Variants in CCNY observed in about 807,000 individuals in gnomAD.
CCNY encodes the protein cyclin-Y.
A neutral mutation model predicts 42.8 loss-of-function variants in CCNY; 19 were observed. That is an observed-to-expected ratio of 0.44 (90% CI 0.31 to 0.65). The LOEUF (loss-of-function observed/expected upper bound fraction) is 0.65, where lower values mean the gene tolerates loss of function less well. Among genes scored for constraint, CCNY ranks in the 30% least tolerant of loss-of-function variants. CCNY has a pLI of 0.07. For missense variants in CCNY, 370 were observed against 437.3 expected, an observed-to-expected ratio of 0.85 and a Z score of 1.37; for synonymous variants, 165 against 162.7, an observed-to-expected ratio of 1.01 and a Z score of -0.11.
intron 3 of CCNY, among the ~76,000 whole-genome samples, chr10:35,254,830 C>CAA (rs748535872): frequency 6.9e-4 from 26 of 37,802 alleles, no homozygotes; most frequent in Non-Finnish European, 8.8e-4. Flanking sequence ...GACCCTGTCT[C>CAA]AAAAAAAAAA....
chr10:35,437,343 A>G (rs1359070284), intron 1 of CCNY, among the ~76,000 whole-genome samples: 2 of 152,320 alleles, frequency 1.3e-5, no homozygotes, highest in East Asian at 3.9e-4. Flanking sequence ...TGGCCTTAGG[A>G]TCAACATTCA....
At chr10:35,353,866 A>G (rs1389521332) in intron 1 of CCNY, among the ~76,000 whole-genome samples, 1 of 152,260 alleles carries the variant, frequency 6.6e-6, no homozygotes, top group African/African-American at 2.4e-5. Context: ...TTAAAATAAC[A>G]ACATTTGTTG....
rs142955158 is a variant in CCNY at position 35,553,150 on chromosome 10, C to T, written c.711C>T (p.Tyr237=). Residue 237 remains tyrosine (Y), a synonymous_variant, in exon 8 of 10, where the codon TAC becomes TAT. Coordinates refer to ENST00000374704, the MANE Select transcript of CCNY (RefSeq NM_145012.6). ...WDDQAVWNVD[Y]CQILKDITVE... ...ACCAGGCTGTATGGAATGTGGATTA[C>T]TGCCAGATCCTGAAAGACATCACGG... 9 of 1,614,088 alleles carry T rather than the reference C, an allele frequency of 5.6e-6. No homozygotes were observed. The East Asian group carries it at 1.1e-4, about 20-fold the overall frequency.
At chr10:35,348,472 A>G (rs937761347) in intron 1 of CCNY, among the ~76,000 whole-genome samples, 3 of 152,240 alleles carry the variant, frequency 2.0e-5, no homozygotes, top group African/African-American at 7.2e-5. Context: ...CTCTGCAGGC[A>G]CACTTGGCTG....
At chr10:35,412,888 A>AG (rs1655923754) in intron 1 of CCNY, among the ~76,000 whole-genome samples, 1 of 140,814 alleles carries the variant, frequency 7.1e-6, no homozygotes, top group Non-Finnish European at 1.5e-5. Flanking sequence ...AAAAAAAAAA[A>AG]GAATTTGCGC....
At chr10:35,537,362 A>G (rs1323993646) in intron 7 of CCNY, among the ~76,000 whole-genome samples, 1 of 152,210 alleles carries the variant, frequency 6.6e-6, no homozygotes, top group East Asian at 1.9e-4. Context: ...CCCCACACAG[A>G]GTCCCTGCTG....
At chr10:35,285,449 G>A (rs1358449184) in intron 3 of CCNY, among the ~76,000 whole-genome samples, 1 of 152,136 alleles carries the variant, frequency 6.6e-6, no homozygotes, top group Non-Finnish European at 1.5e-5. Flanking sequence ...TGTTGAGACA[G>A]GGTCTTGCTC....
chr10:35,255,015 C>T (rs2095714505), intron 3 of CCNY, among the ~76,000 whole-genome samples: 2 of 152,120 alleles, frequency 1.3e-5, no homozygotes, highest in Admixed American at 6.6e-5. Context: ...AAAGGGTCTA[C>T]CCTGGGTAAC....
chr10:35,486,751 C>T (rs1318396913), intron 2 of CCNY, among the ~76,000 whole-genome samples: 2 of 152,228 alleles, frequency 1.3e-5, no homozygotes, highest in African/African-American at 2.4e-5. Context: ...TACTTCTGTG[C>T]TTCCGCCATA....
intron 1 of CCNY, among the ~76,000 whole-genome samples, chr10:35,480,794 CTG>C (rs1345675829): frequency 6.6e-6 from 1 of 152,050 alleles, no homozygotes; most frequent in Non-Finnish European, 1.5e-5. Flanking sequence ...CAGTAAGACT[CTG>C]TAGCTACAAA....
chr10:35,520,739 T>G (rs1266350470), intron 4 of CCNY, among the ~76,000 whole-genome samples: 4 of 152,212 alleles, frequency 2.6e-5, no homozygotes, highest in African/African-American at 9.6e-5. Context: ...GCTCACTCTT[T>G]CTGTAGACAT....
intron 3 of CCNY, among the ~76,000 whole-genome samples, chr10:35,330,019 CTCA>C (rs1835924342): frequency 6.6e-6 from 1 of 152,210 alleles, no homozygotes; most frequent in South Asian, 2.1e-4. Context: ...GTTAATACAA[CTCA>C]TCAACTATCC....
chr10:35,428,630 TAGAC>T (rs934518864), intron 1 of CCNY, among the ~76,000 whole-genome samples: 9 of 151,788 alleles, frequency 5.9e-5, no homozygotes, highest in Admixed American at 2.6e-4. Flanking sequence ...GAGAATGGGG[TAGAC>T]AGACAGAGCT....
chr10:35,552,872 G>A (rs1366773054), intron 7 of CCNY, 147 bp from the exon 8 acceptor site: 1 of 776,210 alleles, frequency 1.3e-6, no homozygotes, highest in East Asian at 2.6e-5. Context: ...GACTCATTGA[G>A]TCATTTGGCC....
chr10:35,352,711 A>G (rs1330085108), intron 1 of CCNY, among the ~76,000 whole-genome samples: 1 of 152,214 alleles, frequency 6.6e-6, no homozygotes, highest in Non-Finnish European at 1.5e-5. Flanking sequence ...AAGGGATTAC[A>G]ATACGGTGTG....
At chr10:35,302,170 C>T (rs753879155) in intron 3 of CCNY, among the ~76,000 whole-genome samples, 3 of 150,824 alleles carry the variant, frequency 2.0e-5, no homozygotes, top group Non-Finnish European at 3.0e-5. Context: ...GCCATGTTGG[C>T]CAGGATGGTC....
intron 1 of CCNY, among the ~76,000 whole-genome samples, chr10:35,424,981 T>C (rs1356460042): frequency 1.3e-5 from 2 of 152,218 alleles, no homozygotes; most frequent in East Asian, 3.9e-4. Context: ...TCTGAGAACC[T>C]GCTCCCACCC....
chr10:35,419,409 G>A (rs1838105612), intron 1 of CCNY, among the ~76,000 whole-genome samples: 1 of 152,084 alleles, frequency 6.6e-6, no homozygotes, highest in African/African-American at 2.4e-5. Flanking sequence ...TTGGATCCGA[G>A]GTAGAAAGAG....
At chr10:35,358,711 G>A (rs918556031) in intron 1 of CCNY, among the ~76,000 whole-genome samples, 1 of 152,206 alleles carries the variant, frequency 6.6e-6, no homozygotes, top group African/African-American at 2.4e-5. Flanking sequence ...AGAAGAAGAA[G>A]GCAAAGATGC....
Sources: allele counts gnomAD v4.1 joint callset (sites outside exome capture counted in the v4.1 genomes callset), GRCh38; gene constraint gnomAD v4.1.1; transcripts MANE v1.5; gene names NCBI Gene and HGNC (gene_info 2026-07-23, HGNC 2026-07-21).